Variants in KCNQ3 observed in about 807,000 individuals in gnomAD.
KCNQ3 encodes potassium voltage-gated channel subfamily Q member 3, also known as potassium voltage-gated channel subfamily KQT member 3.
Under a neutral mutation model 92.5 loss-of-function variants are expected in KCNQ3, and 30 were observed. That is an observed-to-expected ratio of 0.32 (90% confidence interval 0.24 to 0.44). The LOEUF (loss-of-function observed/expected upper bound fraction) is 0.44. Ranked by LOEUF, KCNQ3 falls within the 20% of genes least tolerant of loss-of-function variation. The pLI, the probability that KCNQ3 is intolerant of heterozygous loss-of-function variation, is 1.00. For missense variants in KCNQ3, 913 were observed against 1,140.3 expected (o/e 0.80, Z 2.87); for synonymous variants, 450 against 468.8 (o/e 0.96, Z 0.52).
At chr8:132,245,251 G>T (rs1490397127) in intron 1 of KCNQ3, among the ~76,000 whole-genome samples, 1 of 152,118 alleles carries the variant, frequency 6.6e-6, no homozygotes, top group Admixed American at 6.6e-5. Flanking sequence ...GAGTATATGT[G>T]AAATACTTGG....
chr8:132,424,308 C>A (rs1821050148), intron 1 of KCNQ3, among the ~76,000 whole-genome samples: 1 of 152,166 alleles, frequency 6.6e-6, no homozygotes, highest in South Asian at 2.1e-4. Context: ...AGCCCCTACC[C>A]CTCTCCAAAT....
chr8:132,173,107 G>A (rs1052980166), intron 6 of KCNQ3, among the ~76,000 whole-genome samples: 2 of 152,214 alleles, frequency 1.3e-5, no homozygotes, highest in Non-Finnish European at 2.9e-5. Context: ...TGTTAACTGA[G>A]TTTTAAAAAT....
chr8:132,330,677 A>C (rs1818202863), intron 1 of KCNQ3, among the ~76,000 whole-genome samples: 1 of 152,190 alleles, frequency 6.6e-6, no homozygotes, highest in Non-Finnish European at 1.5e-5. Context: ...GCTGGGAAGT[A>C]AGTGAGAGTT....
At chr8:132,323,291 A>G (rs1817947650) in intron 1 of KCNQ3, among the ~76,000 whole-genome samples, 1 of 152,180 alleles carries the variant, frequency 6.6e-6, no homozygotes, top group African/African-American at 2.4e-5. Context: ...GGTCCAATCC[A>G]AGGGGCTTGC....
intron 3 of KCNQ3, among the ~76,000 whole-genome samples, chr8:132,180,813 G>A (rs189281106): frequency 4.1e-5 from 6 of 145,224 alleles, no homozygotes; most frequent in Admixed American, 2.1e-4. Context: ...CAGAAGTGAC[G>A]GCAGAAGGAG....
rs114207937 is a variant in KCNQ3, at chr8:132,149,562, T to G, written c.1263-8231A>C. 3.2e-3 allele frequency among the ~76,000 whole-genome samples: 480 copies of G among 152,346 alleles called. 5 individuals carry two copies. The highest frequency in any genetic ancestry group is 6.8e-3 in the Middle Eastern group (2 of 294). ...AATGGGGACCCAAAACCTTTAACTT[T>G]TGCTTCTGAGCCTTTTGGTTCTATG... On this transcript the variant is annotated intron_variant, in intron 9 of 14. Transcript: ENST00000388996.
intron 1 of KCNQ3, among the ~76,000 whole-genome samples, chr8:132,378,012 G>T (rs1477254580): frequency 1.3e-5 from 2 of 152,092 alleles, no homozygotes; most frequent in African/African-American, 4.8e-5. Flanking sequence ...TACAAGGACA[G>T]ATTATTTTAT....
At chr8:132,170,551 C>T in intron 7 of KCNQ3, 123 bp from the exon 8 acceptor site, 1 of 693,230 alleles carries the variant, frequency 1.4e-6, no homozygotes, top group Non-Finnish European at 2.6e-6. Flanking sequence ...TGCATTGAGC[C>T]AACATTCAGA....
chr8:132,296,638 T>G (rs1817035559), intron 1 of KCNQ3, among the ~76,000 whole-genome samples: 1 of 149,790 alleles, frequency 6.7e-6, no homozygotes, highest in Non-Finnish European at 1.5e-5. Context: ...GAATATGCGG[T>G]GTTTGGTTTT....
chr8:132,359,323 C>T (rs563666718), intron 1 of KCNQ3, among the ~76,000 whole-genome samples: 1 of 152,312 alleles, frequency 6.6e-6, no homozygotes, highest in African/African-American at 2.4e-5. Context: ...TAAACACTTG[C>T]CAATTTCCCA....
chr8:132,165,966 A>G (rs1290837800), intron 8 of KCNQ3, among the ~76,000 whole-genome samples: 1 of 152,228 alleles, frequency 6.6e-6, no homozygotes, highest in Non-Finnish European at 1.5e-5. Flanking sequence ...ACTAGTGCAT[A>G]TAGTCCCCTT....
intron 1 of KCNQ3, among the ~76,000 whole-genome samples, chr8:132,271,279 C>T (rs1290470241): frequency 1.3e-5 from 2 of 152,240 alleles, no homozygotes; most frequent in African/African-American, 2.4e-5. Flanking sequence ...ATTATCTAAC[C>T]ACAGCCTGAA....
chr8:132,349,081 A>G (rs1305884546), intron 1 of KCNQ3, among the ~76,000 whole-genome samples: 3 of 152,198 alleles, frequency 2.0e-5, no homozygotes, highest in Non-Finnish European at 4.4e-5. Context: ...GCTGAGCTAG[A>G]TGGTCCTGGA....
At chr8:132,309,700 A>G (rs1235689153) in intron 1 of KCNQ3, among the ~76,000 whole-genome samples, 4 of 152,214 alleles carry the variant, frequency 2.6e-5, no homozygotes, top group Admixed American at 6.5e-5. Flanking sequence ...CCAGGATTTC[A>G]CCAACACAGA....
At chr8:132,429,861 C>CAAAAGA (rs1821205208) in intron 1 of KCNQ3, among the ~76,000 whole-genome samples, 1 of 64,102 alleles carries the variant, frequency 1.6e-5, no homozygotes, top group African/African-American at 5.8e-5. Context: ...AACTCCTTCT[C>CAAAAGA]AAAAAAAAAA....
chr8:132,340,072 C>T (rs974979861), intron 1 of KCNQ3, among the ~76,000 whole-genome samples: 2 of 152,046 alleles, frequency 1.3e-5, no homozygotes, highest in South Asian at 2.1e-4. Flanking sequence ...TACCATCTCA[C>T]GCCAGTTAGA....
chr8:132,225,266 G>C (rs1023958107), intron 1 of KCNQ3, among the ~76,000 whole-genome samples: 5 of 152,182 alleles, frequency 3.3e-5, no homozygotes, highest in African/African-American at 1.2e-4. Flanking sequence ...TTGAGTTCCT[G>C]CTCAAAGGTA....
At chr8:132,264,556 T>C (rs1016988377) in intron 1 of KCNQ3, among the ~76,000 whole-genome samples, 3 of 152,198 alleles carry the variant, frequency 2.0e-5, no homozygotes, top group Admixed American at 2.0e-4. Flanking sequence ...CAGGGGTTCC[T>C]CCTTGAAATC....
At chr8:132,255,887 G>A (rs1815568786) in intron 1 of KCNQ3, among the ~76,000 whole-genome samples, 1 of 152,136 alleles carries the variant, frequency 6.6e-6, no homozygotes, top group Non-Finnish European at 1.5e-5. Flanking sequence ...AATTTCTGAA[G>A]TTGACACATT....
Sources: gnomAD v4.1 joint callset for allele counts (sites outside exome capture counted in the v4.1 genomes callset) on GRCh38, gnomAD v4.1.1 for gene constraint, MANE v1.5 for transcripts, NCBI Gene and HGNC (gene_info 2026-07-23, HGNC 2026-07-21) for gene names.